LRP1B: variants seen among roughly 807,000 people sequenced by gnomAD.
LRP1B encodes LDL receptor related protein 1B.
In LRP1B, 217 loss-of-function variants were observed where a neutral mutation model predicts 556.6. That is an observed-to-expected ratio of 0.39 (90% CI 0.35 to 0.44). The LOEUF (loss-of-function observed/expected upper bound fraction) is 0.44. Among genes scored for constraint, LRP1B ranks in the 20% least tolerant of loss-of-function variants. LRP1B has a pLI of 1.00. For missense variants in LRP1B, 5,053 were observed against 5,620.8 expected, an observed-to-expected ratio of 0.90 and a Z score of 3.23; for synonymous variants, 2,047 against 1,865.8, an observed-to-expected ratio of 1.10 and a Z score of -2.50.
At chr2:141,313,295 A>T (rs1389426694) in intron 3 of LRP1B, among the ~76,000 whole-genome samples, 2 of 152,146 alleles carry the variant, frequency 1.3e-5, no homozygotes, top group East Asian at 3.9e-4. Context: ...AAAATGTGAC[A>T]CATTTAAGAG....
chr2:141,229,350 C>T lies in LRP1B; in HGVS notation c.683G>A (p.Ser228Asn). 3.1e-6 allele frequency: 5 copies of T among 1,612,434 alleles called. No homozygotes were observed. Among genetic ancestry groups the T allele is most frequent in the Non-Finnish European group, 4.2e-6 (5 of 1,178,902 alleles). The part of the protein sequence containing the change: ...YLNGSKMATL[S>N]SVNGNEIHTL... The stretch of plus-strand genomic sequence containing the variant: ...ATGAATTTCATTTCCATTGACTGAG[C>T]TTAGAGTTGCCATTTTACTTCCATT... Residue 228 changes from serine to asparagine, a missense_variant, in exon 6 of 91, where the codon AGC (serine) becomes AAC (asparagine). By Grantham distance (46) the Ser-to-Asn change is conservative. Around this residue, in one of 5 missense-constraint regions of LRP1B, gnomAD observed 3,619 missense variants for 3,931.9 expected, o/e 0.92. Transcript: ENST00000389484.
chr2:141,475,425 A>G (rs1002567305), intron 3 of LRP1B, among the ~76,000 whole-genome samples: 1 of 152,122 alleles, frequency 6.6e-6, no homozygotes, highest in Non-Finnish European at 1.5e-5. Flanking sequence ...GATGTGAATA[A>G]AAACAAGGCT....
intron 32 of LRP1B, among the ~76,000 whole-genome samples, chr2:140,808,954 T>C (rs1298682320): frequency 1.3e-5 from 2 of 152,120 alleles, no homozygotes; most frequent in African/African-American, 4.8e-5. Context: ...CTGTATACTA[T>C]ACCAGCTCTA....
intron 2 of LRP1B, among the ~76,000 whole-genome samples, chr2:141,495,547 A>G (rs1410504107): frequency 6.6e-6 from 1 of 152,158 alleles, no homozygotes; most frequent in Admixed American, 6.6e-5. Context: ...GGTATATGCA[A>G]ATAAAAATTC....
At chr2:141,746,671 T>C (rs371206893) in intron 2 of LRP1B, among the ~76,000 whole-genome samples, 31 of 152,114 alleles carry the variant, frequency 2.0e-4, no homozygotes, top group South Asian at 1.0e-3. Flanking sequence ...TCACAAGATA[T>C]AGATAGTTGT....
chr2:141,204,201 C>T (rs1682167138), intron 6 of LRP1B, among the ~76,000 whole-genome samples: 1 of 152,168 alleles, frequency 6.6e-6, no homozygotes, highest in African/African-American at 2.4e-5. Flanking sequence ...TAAAATGGCA[C>T]AAGTTCTTGG....
chr2:140,510,701 T>G (rs773829647), intron 51 of LRP1B, among the ~76,000 whole-genome samples: 5 of 152,206 alleles, frequency 3.3e-5, no homozygotes, highest in Non-Finnish European at 5.9e-5. Flanking sequence ...TATAAATGCA[T>G]GCACGTTCCA....
At chr2:140,670,384 G>T (rs955394546) in intron 41 of LRP1B, among the ~76,000 whole-genome samples, 2 of 152,078 alleles carry the variant, frequency 1.3e-5, no homozygotes, top group Non-Finnish European at 2.9e-5. Flanking sequence ...AATAGCCTCC[G>T]CAGTTCTAAA....
chr2:141,559,879 A>G (rs555351300), intron 2 of LRP1B, among the ~76,000 whole-genome samples: 40 of 151,830 alleles, frequency 2.6e-4, no homozygotes, highest in South Asian at 1.7e-3. Context: ...AGGATATTGT[A>G]AAATTTGTAA....
At chr2:141,491,547 C>T (rs1683335071) in intron 2 of LRP1B, among the ~76,000 whole-genome samples, 1 of 152,072 alleles carries the variant, frequency 6.6e-6, no homozygotes, top group South Asian at 2.1e-4. Flanking sequence ...GCTTGGAGAG[C>T]CTACCCAATT....
Position 140,619,273 on chromosome 2 carries a change from C to T in LRP1B, c.6800-17634G>A, listed in dbSNP as rs1393232992. 3.3e-5 allele frequency among the ~76,000 whole-genome samples: 5 copies of T among 152,170 alleles called. No individual in the cohort carries two copies. The East Asian group carries it at 7.8e-4, about 24-fold the overall frequency. ...CTTACAAATTTGTTTAGAAAATAAA[C>T]TGCTTGTATTTCCTAAGTTTTTCTG... On this transcript the variant is annotated intron_variant, in intron 41 of 90. Coordinates refer to ENST00000389484, the MANE Select transcript of LRP1B (RefSeq NM_018557.3).
chr2:140,872,388 T>TTTTTTTTTTA, intron 25 of LRP1B, among the ~76,000 whole-genome samples: 1 of 132,172 alleles, frequency 7.6e-6, no homozygotes, highest in African/African-American at 2.7e-5. Flanking sequence ...TTTTTTTTTT[T>TTTTTTTTTTA]ACTAAAGTAG....
chr2:141,601,037 C>T (rs1687715912), intron 2 of LRP1B, among the ~76,000 whole-genome samples: 1 of 152,176 alleles, frequency 6.6e-6, no homozygotes, highest in South Asian at 2.1e-4. Context: ...ATCCTCCTTC[C>T]TTAAATATGA....
chr2:141,471,900 G>A (rs568893373), intron 3 of LRP1B, among the ~76,000 whole-genome samples: 9 of 152,278 alleles, frequency 5.9e-5, no homozygotes, highest in African/African-American at 1.9e-4. Flanking sequence ...CTATCAAGAT[G>A]AGAAAGATGA....
intron 3 of LRP1B, among the ~76,000 whole-genome samples, chr2:141,439,388 T>G (rs1387082401): frequency 6.6e-6 from 1 of 151,966 alleles, no homozygotes; most frequent in Non-Finnish European, 1.5e-5. Context: ...ATGTCAGATA[T>G]CCCTTATTAT....
In LRP1B at chr2:140,500,749, A is replaced by G. The variant is rs562428664; in HGVS notation, c.8850+938T>C. Reference sequence around the variant, plus strand: ...TCCAGACTCTAATGCTTCTGGATATAGAAATTTGGATACACTCCAATTCGT... The same window carrying G: ...TCCAGACTCTAATGCTTCTGGATATGGAAATTTGGATACACTCCAATTCGT... On this transcript the variant is annotated intron_variant, in intron 55 of 90. Transcript: ENST00000389484. Among the ~76,000 whole-genome samples the G allele has an allele frequency of 1.4e-4, 21 of 152,100 alleles. 1 individual carries two copies. In the East Asian group the frequency reaches 4.1e-3, roughly 29 times the overall value.
chr2:142,008,370 C>T (rs1266741376), intron 1 of LRP1B, among the ~76,000 whole-genome samples: 4 of 152,178 alleles, frequency 2.6e-5, no homozygotes. Flanking sequence ...GGGCCTGGAC[C>T]TCTCCTTCCT....
intron 1 of LRP1B, among the ~76,000 whole-genome samples, chr2:141,886,997 G>A (rs1345616653): frequency 1.4e-5 from 2 of 140,408 alleles, no homozygotes; most frequent in African/African-American, 5.2e-5. Context: ...TTGTTTGTTT[G>A]TTTTGTTTGT....
chr2:141,783,899 A>G (rs1695340484), intron 2 of LRP1B, among the ~76,000 whole-genome samples: 1 of 151,836 alleles, frequency 6.6e-6, no homozygotes, highest in Non-Finnish European at 1.5e-5. Flanking sequence ...TATTTTTCTG[A>G]GGATATATTA....
Sources: allele counts gnomAD v4.1 joint callset (sites outside exome capture counted in the v4.1 genomes callset), GRCh38; gene constraint gnomAD v4.1.1; regional missense constraint gnomAD v4.1.1; transcripts MANE v1.5; gene names NCBI Gene and HGNC (gene_info 2026-07-23, HGNC 2026-07-21).